The following ODAD2 variants were observed in gnomAD, a reference collection of about 807,000 sequenced individuals.
ODAD2 encodes the protein outer dynein arm-docking complex subunit 2.
A neutral mutation model predicts 106.8 loss-of-function variants in ODAD2; 89 were observed. The observed-to-expected ratio is 0.83, with a 90% confidence interval of 0.70 to 0.99. The LOEUF (loss-of-function observed/expected upper bound fraction) is 0.99. Ranked by LOEUF, ODAD2 falls within the 50% of genes least tolerant of loss-of-function variation. The probability of loss-of-function intolerance (pLI) is 0.00; values close to 1 mark genes in which losing one functional copy is unlikely to be tolerated. For synonymous variants in ODAD2, 404 were observed against 436.2 expected, an observed-to-expected ratio of 0.93 and a Z score of 0.92; for missense variants, 1,168 against 1,238.5, an observed-to-expected ratio of 0.94 and a Z score of 0.85.
intron 19 of ODAD2, among the ~76,000 whole-genome samples, chr10:27,836,786 T>A (rs746218140): frequency 2.0e-5 from 3 of 152,096 alleles, no homozygotes; most frequent in Non-Finnish European, 2.9e-5. Flanking sequence ...TTACTATCAA[T>A]TGATTGATTA....
rs1215251343 is a variant in ODAD2 at position 27,944,878 on chromosome 10, T to C, written c.1471A>G (p.Arg491Gly). ...LAQETCQLAI[R>G]DVGGLEVLIN... ...AGCACTTCCAGGCCTCCAACATCTC[T>C]GATGGCCAACTGGCAGGTTTCTTGA... Residue 491 changes from arginine to glycine, a missense_variant, in exon 11 of 20, where the codon AGA becomes GGA. Around this residue, in one of 3 missense-constraint regions of ODAD2, gnomAD observed 701 missense variants for 712.3 expected, o/e 0.98. Transcript: ENST00000305242. 8.7e-6 allele frequency: 14 copies of C among 1,613,782 alleles called. No individual in the cohort carries two copies. Among genetic ancestry groups the C allele is most frequent in the South Asian group, 3.3e-5 (3 of 91,080 alleles).
intron 10 of ODAD2, chr10:27,958,878 G>A (rs1311614869): frequency 7.7e-7 from 1 of 1,303,618 alleles, no homozygotes; most frequent in Non-Finnish European, 1.0e-6. Flanking sequence ...AACTCAACTG[G>A]TCTTTCCAAC....
intron 17 of ODAD2, chr10:27,904,128 T>C: frequency 6.0e-6 from 1 of 167,306 alleles, no homozygotes; most frequent in South Asian, 1.4e-4. Context: ...ACCCACACCT[T>C]AGTTTAGCTC....
chr10:27,985,166 G>T lies in ODAD2; in HGVS notation c.428C>A (p.Thr143Lys). 1 of 1,575,456 alleles carries T rather than the reference G, an allele frequency of 6.3e-7. No individual in the cohort carries two copies. Residue 143 changes from threonine to lysine, a missense_variant, in exon 4 of 20, where the codon ACA becomes AAA. By Grantham distance (78) the Thr-to-Lys change is moderately conservative (BLOSUM62 -1). Coordinates refer to ENST00000305242, the MANE Select transcript of ODAD2 (RefSeq NM_018076.5). ...TAATGCAATTGAGTTTTCTTTCATT[G>T]TATTATAATCAGAGCCCAGGATTTT... ...IVKILGSDYN[T>K]MKENSIALNI...
chr10:27,897,353 T>C (rs1278962456), intron 17 of ODAD2, among the ~76,000 whole-genome samples: 1 of 152,162 alleles, frequency 6.6e-6, no homozygotes, highest in Non-Finnish European at 1.5e-5. Flanking sequence ...CATCTCTACC[T>C]GGAGGAAGGC....
At chr10:27,861,143 C>T (rs765240413) in intron 18 of ODAD2, among the ~76,000 whole-genome samples, 12 of 152,174 alleles carry the variant, frequency 7.9e-5, no homozygotes, top group South Asian at 2.1e-4. Context: ...AGGTGCCCGC[C>T]ACCACACCTG....
chr10:27,944,241 T>C lies in ODAD2; in HGVS notation c.1724A>G (p.His575Arg). 6.2e-7 allele frequency: 1 copy of C among 1,612,970 alleles called. No homozygotes were observed. Among genetic ancestry groups the C allele is most frequent in the Non-Finnish European group, 8.5e-7 (1 of 1,179,894 alleles). The change falls in exon 12 of 20, where the codon CAC (histidine) becomes CGC (arginine). Residue 575 changes from histidine (H) to arginine (R), a missense_variant. By Grantham distance (29) the His-to-Arg change is conservative. Coordinates refer to ENST00000305242, the MANE Select transcript of ODAD2 (RefSeq NM_018076.5). ...FKRARRVVRQ[H>R]GGITKLVALL... is the part of the protein sequence containing the mutation. ...ACTCACCAGTTTGGTGATACCCCCG[T>C]GCTGCCTCACCACCCGCCGTGCTCT...
intron 7 of ODAD2, among the ~76,000 whole-genome samples, chr10:27,975,768 A>T (rs978732092): frequency 6.6e-5 from 10 of 152,170 alleles, no homozygotes; most frequent in Non-Finnish European, 1.3e-4. Flanking sequence ...TCTTCCAAAA[A>T]ATTGAAGAGA....
intron 17 of ODAD2, among the ~76,000 whole-genome samples, chr10:27,888,811 G>A (rs1227611262): frequency 1.3e-5 from 2 of 152,136 alleles, no homozygotes; most frequent in Non-Finnish European, 2.9e-5. Context: ...AATGGGGAAA[G>A]TCTTTTCAAA....
Position 27,987,375 on chromosome 10 carries a change from A to C in ODAD2, c.382+11T>G. 6.2e-7 allele frequency: 1 copy of C among 1,609,662 alleles called. No individual in the cohort carries two copies. The highest frequency in any genetic ancestry group is 8.5e-7 in the Non-Finnish European group (1 of 1,178,210). On this transcript the variant is annotated intron_variant, in intron 3 of 19. Coordinates refer to ENST00000305242, the MANE Select transcript of ODAD2 (RefSeq NM_018076.5). ...AAAAGTTCAAATCACAGACTGGAGCATTAAGATCACCTTCAACACATGCTT... is the reference window on the plus strand; with the variant it reads ...AAAAGTTCAAATCACAGACTGGAGCCTTAAGATCACCTTCAACACATGCTT...
chr10:27,812,769 A>G (rs1835841846), intron 19 of ODAD2, 144 bp from the exon 20 acceptor site: 1 of 1,236,262 alleles, frequency 8.1e-7, no homozygotes, highest in Non-Finnish European at 1.1e-6. Context: ...TTAAGCAAAT[A>G]CGAATATAAA....
At chr10:27,847,374 C>A (rs1303464316) in intron 19 of ODAD2, among the ~76,000 whole-genome samples, 2 of 152,178 alleles carry the variant, frequency 1.3e-5, no homozygotes, top group Non-Finnish European at 2.9e-5. Flanking sequence ...AATTCAACAG[C>A]ACTTCATGCT....
chr10:27,902,207 C>T (rs980410841), intron 17 of ODAD2, among the ~76,000 whole-genome samples: 2 of 152,140 alleles, frequency 1.3e-5, no homozygotes, highest in Admixed American at 6.5e-5. Context: ...TGAATGACTA[C>T]TGGGTAAATA....
chr10:27,879,326 C>G (rs1213035362), intron 17 of ODAD2, among the ~76,000 whole-genome samples: 1 of 151,724 alleles, frequency 6.6e-6, no homozygotes, highest in Non-Finnish European at 1.5e-5. Context: ...AACTTTATAA[C>G]AAGTATAAGG....
chr10:27,902,487 C>A (rs1843283141), intron 17 of ODAD2, among the ~76,000 whole-genome samples: 1 of 151,974 alleles, frequency 6.6e-6, no homozygotes, highest in African/African-American at 2.4e-5. Flanking sequence ...AAAAACTCTT[C>A]AAAAAATCAA....
chr10:27,957,787 C>A (rs760977946), intron 10 of ODAD2, among the ~76,000 whole-genome samples: 2 of 152,058 alleles, frequency 1.3e-5, no homozygotes, highest in African/African-American at 2.4e-5. Context: ...TAGCTCTGGA[C>A]GAATAATAAG....
chr10:27,871,840 G>A (rs1249355818), intron 17 of ODAD2, among the ~76,000 whole-genome samples: 2 of 152,032 alleles, frequency 1.3e-5, no homozygotes, highest in Admixed American at 6.6e-5. Flanking sequence ...GCAATGCAGG[G>A]TCTTTTTTGG....
intron 6 of ODAD2, among the ~76,000 whole-genome samples, chr10:27,982,243 T>C (rs60814150): frequency 0.032 from 4,825 of 152,230 alleles, 282 homozygotes; most frequent in African/African-American, 0.11. Flanking sequence ...TATATATAAC[T>C]GTATACACAA....
chr10:27,961,925 A>ACATGCCTTAATTACAGG (rs1235052977), intron 9 of ODAD2, among the ~76,000 whole-genome samples: 1 of 152,070 alleles, frequency 6.6e-6, no homozygotes, highest in Non-Finnish European at 1.5e-5. Flanking sequence ...AATTAGCCAG[A>ACATGCCTTAATTACAGG]CATGGTGGTG....
Sources: allele counts gnomAD v4.1 joint callset (sites outside exome capture counted in the v4.1 genomes callset), GRCh38; gene constraint gnomAD v4.1.1; regional missense constraint gnomAD v4.1.1; transcripts MANE v1.5; gene names NCBI Gene and HGNC (gene_info 2026-07-23, HGNC 2026-07-21).